The following MTHFD1L variants were observed in gnomAD, a reference collection of about 807,000 sequenced individuals.
MTHFD1L encodes the protein methylenetetrahydrofolate dehydrogenase (NADP+ dependent) 1 like.
A neutral mutation model predicts 119.5 loss-of-function variants in MTHFD1L; 81 were observed. The ratio of observed to expected loss-of-function variants is 0.68; its 90% confidence interval spans 0.57 to 0.82. The LOEUF (loss-of-function observed/expected upper bound fraction) is 0.82. MTHFD1L is among the 40% of genes least tolerant of loss of function. The pLI is 0.00. For missense variants in MTHFD1L, 1,125 were observed against 1,253.4 expected, an observed-to-expected ratio of 0.90 and a Z score of 1.55; for synonymous variants, 430 against 475.2, an observed-to-expected ratio of 0.90 and a Z score of 1.24.
In MTHFD1L at chr6:151,084,784, G is replaced by A. The variant is rs922507741; in HGVS notation, c.2848-7683G>A. Among the ~76,000 whole-genome samples, 740 of 151,258 alleles carry A rather than the reference G, an allele frequency of 4.9e-3. 9 individuals carry two copies. Among genetic ancestry groups the A allele is most frequent in the African/African-American group, 0.017 (707 of 41,232 alleles). On this transcript the variant is annotated intron_variant, in intron 26 of 27. Transcript: ENST00000367321. ...ATCGAGACCATCCTGGCTAACACACGGTGAAACCCCGTCTCTACTAAAAAT... is the reference window on the plus strand; with the variant it reads ...ATCGAGACCATCCTGGCTAACACACAGTGAAACCCCGTCTCTACTAAAAAT...
chr6:150,876,850 C>G (rs1021432694), intron 2 of MTHFD1L, among the ~76,000 whole-genome samples: 1 of 152,208 alleles, frequency 6.6e-6, no homozygotes, highest in Non-Finnish European at 1.5e-5. Context: ...CTGGTTCCAC[C>G]GTGCTGCGTA....
At position 150,899,673 on chromosome 6, in the gene MTHFD1L, T is replaced by TA. The variant is rs564362211; in HGVS notation, c.781-5969dup. ...AAATACAAAGTTAGACATTCAGAGTTAAAAAAAATTAATGCATAGGCTGGG... is the reference window on the plus strand; with the variant it reads ...AAATACAAAGTTAGACATTCAGAGTTAAAAAAAAATTAATGCATAGGCTGGG... On this transcript the variant is annotated intron_variant, in intron 7 of 27. Transcript: ENST00000367321. 2.6e-5 allele frequency among the ~76,000 whole-genome samples: 4 copies of TA among 152,132 alleles called. No individual in the cohort carries two copies. The South Asian group carries it at 8.3e-4, about 32-fold the overall frequency.
intron 26 of MTHFD1L, among the ~76,000 whole-genome samples, chr6:151,062,916 G>A (rs569882270): frequency 6.6e-6 from 1 of 152,078 alleles, no homozygotes; most frequent in East Asian, 1.9e-4. Context: ...GATAGCATTA[G>A]GAGATATACC....
chr6:151,057,967 C>T (rs955515123), intron 26 of MTHFD1L, among the ~76,000 whole-genome samples: 4 of 151,478 alleles, frequency 2.6e-5, no homozygotes, highest in Admixed American at 1.3e-4. Context: ...TTAGAAGAGA[C>T]AGTTTCACCA....
chr6:150,884,857 G>A (rs1423917816), intron 5 of MTHFD1L, among the ~76,000 whole-genome samples: 3 of 151,870 alleles, frequency 2.0e-5, no homozygotes, highest in Admixed American at 6.6e-5. Context: ...GATAAATATC[G>A]AGGTCAAGTT....
intron 20 of MTHFD1L, among the ~76,000 whole-genome samples, chr6:150,987,237 T>TA (rs901801206): frequency 6.6e-6 from 1 of 152,154 alleles, no homozygotes; most frequent in Non-Finnish European, 1.5e-5. Context: ...ATCCATTCTT[T>TA]ATAGACCCTT....
intron 19 of MTHFD1L, among the ~76,000 whole-genome samples, chr6:150,969,978 T>C (rs1304334650): frequency 6.6e-6 from 1 of 152,232 alleles, no homozygotes; most frequent in African/African-American, 2.4e-5. Flanking sequence ...TCCTATGTTG[T>C]CACTCTGGGT....
chr6:151,004,008 T>TA (rs397886081), intron 20 of MTHFD1L, among the ~76,000 whole-genome samples: 19,350 of 125,976 alleles, frequency 0.15, 2,085 homozygotes, highest in East Asian at 0.66. Context: ...TGCTTTTTTT[T>TA]AAAAAAAAAA....
chr6:150,910,731 G>T lies in MTHFD1L; in HGVS notation c.892+4970G>T, dbSNP rs945431563. On this transcript the variant is annotated intron_variant, in intron 8 of 27. Coordinates refer to ENST00000367321, the MANE Select transcript of MTHFD1L (RefSeq NM_015440.5). ...ACCTCGGGGCAGTGCCTCTTTGATGGTAGCTGCCAATAAATGCTGGTCCAC... is the reference window on the plus strand; with the variant it reads ...ACCTCGGGGCAGTGCCTCTTTGATGTTAGCTGCCAATAAATGCTGGTCCAC... 1.2e-4 allele frequency among the ~76,000 whole-genome samples: 19 copies of T among 152,158 alleles called. No homozygotes were observed. In the East Asian group the frequency reaches 3.3e-3, roughly 26 times the overall value.
intron 26 of MTHFD1L, among the ~76,000 whole-genome samples, chr6:151,080,126 C>G (rs574748287): frequency 6.6e-6 from 1 of 151,852 alleles, no homozygotes; most frequent in South Asian, 2.1e-4. Context: ...TTCAGTGAGC[C>G]GAGATTGCGC....
chr6:150,875,455 A>G (rs967547621), intron 1 of MTHFD1L, among the ~76,000 whole-genome samples: 2 of 151,954 alleles, frequency 1.3e-5, no homozygotes, highest in Non-Finnish European at 2.9e-5. Flanking sequence ...GGTGCAGACT[A>G]TGTTGTGGAT....
chr6:151,040,875 A>C (rs1786990385), intron 26 of MTHFD1L, among the ~76,000 whole-genome samples: 3 of 152,228 alleles, frequency 2.0e-5, no homozygotes. Context: ...GCCATGGCTC[A>C]TGCCTGGACA....
chr6:150,964,452 C>T (rs138583369), intron 18 of MTHFD1L, among the ~76,000 whole-genome samples: 10 of 152,070 alleles, frequency 6.6e-5, no homozygotes, highest in African/African-American at 1.2e-4. Context: ...AGCTTTTAAA[C>T]GTGGTAGTTT....
intron 21 of MTHFD1L, among the ~76,000 whole-genome samples, chr6:151,010,274 A>G (rs1782036927): frequency 6.6e-6 from 1 of 152,190 alleles, no homozygotes; most frequent in South Asian, 2.1e-4. Flanking sequence ...CTCAAGCTTC[A>G]CATCTGATAC....
At chr6:150,968,528 G>T (rs572542088) in intron 19 of MTHFD1L, among the ~76,000 whole-genome samples, 1 of 151,714 alleles carries the variant, frequency 6.6e-6, no homozygotes, top group South Asian at 2.1e-4. Flanking sequence ...TTGTTTTTTT[G>T]AGACGGAGTC....
chr6:150,898,424 G>A (rs1784592622), intron 7 of MTHFD1L, among the ~76,000 whole-genome samples: 2 of 152,178 alleles, frequency 1.3e-5, no homozygotes, highest in Admixed American at 1.3e-4. Context: ...GCGGAAGCCT[G>A]GAGAGTTTCT....
At chr6:150,947,712 G>A (rs139071830) in intron 15 of MTHFD1L, among the ~76,000 whole-genome samples, 205 of 152,080 alleles carry the variant, frequency 1.3e-3, no homozygotes, top group African/African-American at 3.4e-3. Flanking sequence ...AAAGAACTGC[G>A]GCATCAATTA....
At chr6:150,970,769 C>A (rs1804484479) in intron 19 of MTHFD1L, among the ~76,000 whole-genome samples, 2 of 152,250 alleles carry the variant, frequency 1.3e-5, no homozygotes, top group South Asian at 4.1e-4. Context: ...TGTACTGTAT[C>A]TTATAGCTAT....
At chr6:150,923,415 G>A (rs1419818165) in intron 10 of MTHFD1L, among the ~76,000 whole-genome samples, 1 of 151,946 alleles carries the variant, frequency 6.6e-6, no homozygotes, top group African/African-American at 2.4e-5. Flanking sequence ...ATCCAGGTGT[G>A]CATAATACTA....
Sources: allele counts gnomAD v4.1 joint callset (sites outside exome capture counted in the v4.1 genomes callset), GRCh38; gene constraint gnomAD v4.1.1; transcripts MANE v1.5; gene names NCBI Gene and HGNC (gene_info 2026-07-23, HGNC 2026-07-21).